The following DNHD1 variants were observed in gnomAD, a reference collection of about 807,000 sequenced individuals.
DNHD1 encodes dynein heavy chain domain 1.
Under a neutral mutation model 458.1 loss-of-function variants are expected in DNHD1, and 383 were observed. The ratio of observed to expected loss-of-function variants is 0.84; its 90% CI spans 0.77 to 0.91. DNHD1 has a LOEUF of 0.91. DNHD1 is among the 40% of genes least tolerant of loss of function. The pLI, the probability that DNHD1 is intolerant of heterozygous loss-of-function variation, is 0.00. For missense variants in DNHD1, 5,336 were observed against 5,866.1 expected, an observed-to-expected ratio of 0.91 and a Z score of 2.95; for synonymous variants, 2,203 against 2,376.9, an observed-to-expected ratio of 0.93 and a Z score of 2.13.
At chr11:6,544,384 G>A (rs970196703) in intron 19 of DNHD1, 138 bp downstream of exon 19, 1 of 1,142,476 alleles carries the variant, frequency 8.8e-7, no homozygotes, top group African/African-American at 1.6e-5. Flanking sequence ...CTGTTTCTTG[G>A]GATGAAGAGA....
chr11:6,533,335 T>TC (rs1852868375), intron 13 of DNHD1, 151 bp downstream of exon 13: 1 of 435,206 alleles, frequency 2.3e-6, no homozygotes, highest in Non-Finnish European at 3.1e-6. Flanking sequence ...TGCTAATTCT[T>TC]ACCCTGTCCA....
Position 6,538,412 on chromosome 11 carries a change from T to C in DNHD1, c.3028T>C (p.Cys1010Arg), listed in dbSNP as rs73407163. Residue 1010 changes from cysteine (C) to arginine (R), a missense_variant, in exon 15 of 43, where the codon TGT (cysteine) becomes CGT (arginine). Around this residue, in one of 4 missense-constraint regions of DNHD1, gnomAD observed 3,932 missense variants for 4,365.6 expected, o/e 0.90. Coordinates refer to ENST00000254579, the MANE Select transcript of DNHD1 (RefSeq NM_144666.3). ...TGAGACTCCTGTGCCCTTGCCAATC[T>C]GTGGGACACGTCCTATTGTGCAGCA... Reference protein sequence around the residue: ...EDETPVPLPICGTRPIVQQQR... With the variant: ...EDETPVPLPIRGTRPIVQQQR... 4.6e-4 allele frequency: 707 copies of C among 1,551,740 alleles called. 1 individual carries two copies. In the African/African-American group the frequency reaches 8.2e-3, roughly 18 times the overall value.
In DNHD1 at chr11:6,502,747, A is replaced by G. The variant is rs1278402973; in HGVS notation, c.747-6A>G. ...GCCTTTTCTCTCCTGATTTTCTGTCACACAGGTCTCAGCTTGACTATGAAG... is the reference window on the plus strand; with the variant it reads ...GCCTTTTCTCTCCTGATTTTCTGTCGCACAGGTCTCAGCTTGACTATGAAG... On this transcript the variant is annotated splice_polypyrimidine_tract_variant and splice_region_variant and intron_variant, in intron 3 of 42. Coordinates refer to ENST00000254579, the MANE Select transcript of DNHD1 (RefSeq NM_144666.3). 1 of 1,571,248 alleles carries G rather than the reference A, an allele frequency of 6.4e-7. No individual in the cohort carries two copies. The highest frequency in any genetic ancestry group is 8.6e-7 in the Non-Finnish European group (1 of 1,160,738).
At position 6,570,634 on chromosome 11, in the gene DNHD1, T is replaced by C. The variant is rs1327592808; in HGVS notation, c.13122T>C (p.Asp4374=). 6.2e-7 allele frequency: 1 copy of C among 1,608,306 alleles called. No individual in the cohort carries two copies. The highest frequency in any genetic ancestry group is 2.2e-5 in the East Asian group (1 of 44,712). Residue 4374 remains aspartate, a synonymous_variant, in exon 42 of 43, where the codon GAT becomes GAC. Transcript: ENST00000254579. ...ATCCCCAAGAGCTAAGGGAGCTGGATGCAATGGCAGAGTGCAAGGCCCAGA... is the reference window on the plus strand; with the variant it reads ...ATCCCCAAGAGCTAAGGGAGCTGGACGCAATGGCAGAGTGCAAGGCCCAGA... The part of the protein sequence containing the change: ...LMPLPELREL[D]AMAECKAQMH...
chr11:6,530,132 C>T (rs554668380), intron 12 of DNHD1, among the ~76,000 whole-genome samples: 2 of 152,328 alleles, frequency 1.3e-5, no homozygotes, highest in African/African-American at 4.8e-5. Flanking sequence ...TTCTACTCTG[C>T]TGTGACTGTT....
chr11:6,547,787 G>A (rs1853255800), intron 21 of DNHD1, 76 bp from the exon 22 acceptor site: 3 of 1,531,470 alleles, frequency 2.0e-6, no homozygotes, highest in Non-Finnish European at 2.6e-6. Flanking sequence ...AAGTAATACT[G>A]TCAACCTTTT....
chr11:6,553,465 C>T (rs1853402846), intron 24 of DNHD1, among the ~76,000 whole-genome samples: 1 of 152,116 alleles, frequency 6.6e-6, no homozygotes, highest in Non-Finnish European at 1.5e-5. Context: ...TGCTTCTATT[C>T]AACACTGTAC....
rs1193425153 is a variant in DNHD1, at chr11:6,498,750, G to A, written c.535G>A (p.Glu179Lys). Residue 179 changes from glutamate (E) to lysine (K), a missense_variant, in exon 3 of 43, where the codon GAG becomes AAG. This residue lies in a region of DNHD1 where 3,932 missense variants were observed against 4,365.6 expected (regional missense o/e 0.90). Transcript: ENST00000254579. ...CCAGTGGAGCAGGCAGCAAGTAAAG[G>A]AGGAGCTGGCCACCTGGCTGCGACC... ...QAQWSRQQVK[E>K]ELATWLRPLT... 3.1e-6 allele frequency: 5 copies of A among 1,614,204 alleles called. No homozygotes were observed. The highest frequency in any genetic ancestry group is 3.3e-4 in the Middle Eastern group (2 of 6,062).
chr11:6,538,667 G>A lies in DNHD1; in HGVS notation c.3182G>A (p.Arg1061Gln), dbSNP rs547267314. Residue 1061 changes from arginine (R) to glutamine (Q), a missense_variant, in exon 16 of 43, where the codon CGG (arginine) becomes CAG (glutamine). This residue lies in a region of DNHD1 where 3,932 missense variants were observed against 4,365.6 expected (regional missense o/e 0.90). Coordinates refer to ENST00000254579, the MANE Select transcript of DNHD1 (RefSeq NM_144666.3). ...KTEGWLTEAA[R>Q]MSTTLELHSP... ...GAGGGCTGGCTGACAGAGGCAGCAC[G>A]GATGAGCACAACCCTGGAGCTGCAC... is the stretch of plus-strand genomic sequence containing the variant. 4.3e-5 allele frequency: 66 copies of A among 1,548,504 alleles called. No individual in the cohort carries two copies. In the African/African-American group the frequency reaches 7.8e-4, roughly 18 times the overall value.
In DNHD1 at chr11:6,569,773, C is replaced by T. The variant is rs141464959; in HGVS notation, c.12864-236C>T. On this transcript the variant is annotated intron_variant, in intron 39 of 42. Transcript: ENST00000254579. ...AAGAGGAAGGAGGTGTCGAGGATGA[C>T]TCTCAGATTTTTGCTTTAGATAATT... Among the ~76,000 whole-genome samples, 35 of 152,220 alleles carry T rather than the reference C, an allele frequency of 2.3e-4. No individual in the cohort carries two copies. In the East Asian group the frequency reaches 6.8e-3, roughly 29 times the overall value.
chr11:6,539,135 C>G (rs751598095), intron 16 of DNHD1, 84 bp from the exon 17 acceptor site: 3 of 957,566 alleles, frequency 3.1e-6, no homozygotes, highest in Non-Finnish European at 4.8e-6. Flanking sequence ...CTGGGCTGGG[C>G]TGGGCTGGGC....
Position 6,568,381 on chromosome 11 carries a change from C to T in DNHD1, c.12539-73C>T, listed in dbSNP as rs1440838398. 8 of 1,597,058 alleles carry T rather than the reference C, an allele frequency of 5.0e-6. No individual in the cohort carries two copies. In the Admixed American group the frequency reaches 1.0e-4, roughly 20 times the overall value. On this transcript the variant is annotated intron_variant, in intron 37 of 42. Transcript: ENST00000254579. Reference sequence around the variant, plus strand: ...GTATCTGACTCCTGACACCCCTAGCCTCAAGTCTGATTCCTAGACTTCTGC... The same window carrying T: ...GTATCTGACTCCTGACACCCCTAGCTTCAAGTCTGATTCCTAGACTTCTGC...
chr11:6,501,295 G>T (rs1852129648), intron 3 of DNHD1, among the ~76,000 whole-genome samples: 1 of 74,230 alleles, frequency 1.3e-5, no homozygotes, highest in African/African-American at 5.7e-5. Flanking sequence ...TGGTGTCTGG[G>T]TAGGGATTTT....
In DNHD1 at chr11:6,570,629, C is replaced by G. The variant is rs763376497; in HGVS notation, c.13117C>G (p.Leu4373Val). Residue 4373 changes from leucine (L) to valine (V), a missense_variant, in exon 42 of 43, where the codon CTG becomes GTG. Leu to Val is a conservative substitution (Grantham distance 32). This residue lies in a region of DNHD1 where 698 missense variants were observed against 664.9 expected (regional missense o/e 1.05). Transcript: ENST00000254579. ...TLMPLPELRELDAMAECKAQM... is the reference protein window; with the variant it reads ...TLMPLPELREVDAMAECKAQM... Reference sequence around the variant, plus strand: ...CCTCTATCCCCAAGAGCTAAGGGAGCTGGATGCAATGGCAGAGTGCAAGGC... The same window carrying G: ...CCTCTATCCCCAAGAGCTAAGGGAGGTGGATGCAATGGCAGAGTGCAAGGC... 6 of 1,606,846 alleles carry G rather than the reference C, an allele frequency of 3.7e-6. No homozygotes were observed. In the African/African-American group the frequency reaches 8.0e-5, roughly 21 times the overall value.
At position 6,548,652 on chromosome 11, in the gene DNHD1, G is replaced by A. The variant is rs777190263; in HGVS notation, c.7106G>A (p.Arg2369Gln). 15 of 1,551,364 alleles carry A rather than the reference G, an allele frequency of 9.7e-6. No individual in the cohort carries two copies. The highest frequency in any genetic ancestry group is 6.8e-5 in the African/African-American group (5 of 73,022). ...GTFHPSIQTE[R>Q]LLYVVDLLLS... is the part of the protein sequence containing the mutation. ...CCCACTTCTGTCTTGCAGACTGAACGGCTCTTGTATGTGGTGGACCTGCTT... is the reference window on the plus strand; with the variant it reads ...CCCACTTCTGTCTTGCAGACTGAACAGCTCTTGTATGTGGTGGACCTGCTT... Residue 2369 changes from arginine (R) to glutamine (Q), a missense_variant, in exon 24 of 43, where the codon CGG (arginine) becomes CAG (glutamine). By Grantham distance (43) the Arg-to-Gln change is conservative (BLOSUM62 1). Coordinates refer to ENST00000254579, the MANE Select transcript of DNHD1 (RefSeq NM_144666.3). The surrounding 1 kb of genome is among the most constrained non-coding windows in gnomAD (Gnocchi z 4.4).
At chr11:6,520,353 T>A in intron 10 of DNHD1, 64 bp downstream of exon 10, 1 of 1,550,840 alleles carries the variant, frequency 6.4e-7, no homozygotes, top group Non-Finnish European at 8.7e-7. Context: ...CAAGTACTAA[T>A]GGCATGGGAA....
intron 10 of DNHD1, among the ~76,000 whole-genome samples, chr11:6,525,787 AT>A (rs1291858277): frequency 6.6e-6 from 1 of 152,178 alleles, no homozygotes; most frequent in Non-Finnish European, 1.5e-5. Context: ...TTAGGACATT[AT>A]GAGTTGCTAT....
At chr11:6,538,314 C>G in intron 14 of DNHD1, 69 bp from the exon 15 acceptor site, 1 of 1,481,886 alleles carries the variant, frequency 6.7e-7, no homozygotes, top group South Asian at 1.2e-5. Context: ...GGGCTCTTGA[C>G]TGATCATTCC....
Position 6,557,147 on chromosome 11 carries a change from A to G in DNHD1, c.7852A>G (p.Asn2618Asp), listed in dbSNP as rs960264273. Residue 2618 changes from asparagine (N) to aspartate (D), a missense_variant, in exon 25 of 43, where the codon AAC becomes GAC. By Grantham distance (23) the Asn-to-Asp change is conservative. Transcript: ENST00000254579. ...TGSRGFVDYP[N>D]HQEHLRRVSG... Reference sequence around the variant, plus strand: ...CTCCCGAGGTTTTGTGGACTATCCCAACCACCAGGAGCACTTGCGCCGGGT... The same window carrying G: ...CTCCCGAGGTTTTGTGGACTATCCCGACCACCAGGAGCACTTGCGCCGGGT... 1.9e-6 allele frequency: 3 copies of G among 1,551,706 alleles called. No individual in the cohort carries two copies. The highest frequency in any genetic ancestry group is 1.2e-5 in the South Asian group (1 of 84,052).
Sources: allele counts gnomAD v4.1 joint callset (sites outside exome capture counted in the v4.1 genomes callset), GRCh38; gene constraint gnomAD v4.1.1; regional missense constraint gnomAD v4.1.1; non-coding constraint Gnocchi (gnomAD v3.1); transcripts MANE v1.5; gene names NCBI Gene and HGNC (gene_info 2026-07-23, HGNC 2026-07-21).